Variants in HS3ST3B1 observed in about 807,000 individuals in gnomAD.
HS3ST3B1 encodes heparan sulfate glucosamine 3-O-sulfotransferase 3B1.
HS3ST3B1 carries 13 observed loss-of-function variants against 21.3 expected under a neutral mutation model. The observed-to-expected ratio is 0.61, with a 90% CI of 0.40 to 0.97. HS3ST3B1 has a LOEUF of 0.97. HS3ST3B1 is among the 50% of genes least tolerant of loss of function. The pLI, the probability that HS3ST3B1 is intolerant of heterozygous loss-of-function variation, is 0.00. For missense variants in HS3ST3B1, 459 were observed against 554.8 expected, an observed-to-expected ratio of 0.83 and a Z score of 1.73; for synonymous variants, 234 against 254.8, an observed-to-expected ratio of 0.92 and a Z score of 0.78.
chr17:14,310,107 A>C (rs1312861334), intron 1 of HS3ST3B1, among the ~76,000 whole-genome samples: 1 of 152,252 alleles, frequency 6.6e-6, no homozygotes, highest in Non-Finnish European at 1.5e-5. Flanking sequence ...CATTTCCATA[A>C]TTTGGCCCAT....
In HS3ST3B1 at chr17:14,301,124, T is replaced by TGCTCCTGGGCTCTGGGTCCCGCGCCGCA; in HGVS notation, c.-395_-394insGCTCCTGGGCTCTGGGTCCCGCGCCGCA. On this transcript the variant is annotated 5_prime_UTR_variant, in exon 1 of 2. Transcript: ENST00000360954. The stretch of plus-strand genomic sequence containing the variant: ...CTCTGCGGGGAAGTGCCGGGGCTGC[T>TGCTCCTGGGCTCTGGGTCCCGCGCCGCA]CGAGGCTCAGTTCTTAGGACTGCAA... 4.7e-6 allele frequency: 1 copy of TGCTCCTGGGCTCTGGGTCCCGCGCCGCA among 211,832 alleles called. No homozygotes were observed. The highest frequency in any genetic ancestry group is 9.2e-6 in the Non-Finnish European group (1 of 108,196). The allele number at this position is 211,832 out of a possible 1,614,324, so 13.1% of individuals were successfully genotyped here. A position where few individuals can be genotyped will look rare whatever the true frequency, so the allele number is the denominator to read the frequency against.
intron 1 of HS3ST3B1, among the ~76,000 whole-genome samples, chr17:14,318,681 G>A (rs1567638701): frequency 6.6e-6 from 1 of 152,220 alleles, no homozygotes. Flanking sequence ...CAGCCAGGAG[G>A]CAGCTGGTTA....
intron 1 of HS3ST3B1, among the ~76,000 whole-genome samples, chr17:14,344,013 C>G (rs987120605): frequency 2.6e-5 from 4 of 151,990 alleles, no homozygotes; most frequent in Non-Finnish European, 5.9e-5. Context: ...TCTCCTGCCT[C>G]AGCCTCCCAA....
chr17:14,304,097 C>T (rs887961416), intron 1 of HS3ST3B1: 7 of 152,194 alleles, frequency 4.6e-5, no homozygotes, highest in African/African-American at 1.7e-4. Context: ...CAGCGCAGCC[C>T]GGGAGGTTCG....
In HS3ST3B1 at chr17:14,345,616, G is replaced by A; in HGVS notation, c.1143G>A (p.Gln381=). 6.2e-7 allele frequency: 1 copy of A among 1,613,166 alleles called. No individual in the cohort carries two copies. Among genetic ancestry groups the A allele is most frequent in the Non-Finnish European group, 8.5e-7 (1 of 1,179,500 alleles). The change falls in exon 2 of 2, where the codon CAG becomes CAA. Residue 381 remains glutamine, a synonymous_variant. Coordinates refer to ENST00000360954, the MANE Select transcript of HS3ST3B1 (RefSeq NM_006041.3). ...FYRPFNLKFY[Q]MTGHDFGWD The stretch of plus-strand genomic sequence containing the variant: ...GGCCTTTCAACCTCAAGTTCTACCA[G>A]ATGACCGGGCACGACTTTGGCTGGG...
intron 1 of HS3ST3B1, among the ~76,000 whole-genome samples, chr17:14,337,482 C>A (rs1449450806): frequency 6.7e-6 from 1 of 149,996 alleles, no homozygotes; most frequent in South Asian, 2.1e-4. Context: ...AGCCCGCCAT[C>A]ATGCCTGGCT....
intron 1 of HS3ST3B1, among the ~76,000 whole-genome samples, chr17:14,325,766 G>A (rs1372721817): frequency 6.6e-6 from 1 of 152,186 alleles, no homozygotes; most frequent in East Asian, 1.9e-4. Context: ...AAGATACGCT[G>A]CTGGTAAGTG....
At chr17:14,330,840 T>C (rs1403847708) in intron 1 of HS3ST3B1, among the ~76,000 whole-genome samples, 2 of 152,056 alleles carry the variant, frequency 1.3e-5, no homozygotes, top group African/African-American at 2.4e-5. Flanking sequence ...GTAACCCACA[T>C]AGGGCTGGAG....
rs1909881859 is a variant in HS3ST3B1 at position 14,328,360 on chromosome 17, T to A, written c.555-16668T>A. On this transcript the variant is annotated intron_variant, in intron 1 of 1. Transcript: ENST00000360954. ...ATGGTTGACCATGACAATGAAAAGA[T>A]GAGAATGTAGGGAGGTTGGGCTTAC... 3 of 152,150 alleles carry A rather than the reference T, an allele frequency of 2.0e-5. No homozygotes were observed. The South Asian group carries it at 6.2e-4, about 31-fold the overall frequency. The allele number at this position is 152,150 out of a possible 1,614,324, so 9.4% of individuals were successfully genotyped here.
chr17:14,318,669 C>T (rs1909570706), intron 1 of HS3ST3B1, among the ~76,000 whole-genome samples: 1 of 152,166 alleles, frequency 6.6e-6, no homozygotes, highest in Admixed American at 6.5e-5. Flanking sequence ...CTCAAGAGGG[C>T]ACAGCCAGGA....
Position 14,326,306 on chromosome 17 carries a change from A to G in HS3ST3B1, c.555-18722A>G, listed in dbSNP as rs143827456. ...CTTAGAATTCCCTTGGAGTGAATTCATATATGCCCTGCCAGGGAGTTTGCA... is the reference window on the plus strand; with the variant it reads ...CTTAGAATTCCCTTGGAGTGAATTCGTATATGCCCTGCCAGGGAGTTTGCA... On this transcript the variant is annotated intron_variant, in intron 1 of 1. Transcript: ENST00000360954. 2.7e-3 allele frequency among the ~76,000 whole-genome samples: 407 copies of G among 152,284 alleles called. 6 individuals are homozygous for G. Among genetic ancestry groups the G allele is most frequent in the African/African-American group, 9.5e-3 (394 of 41,564 alleles).
At position 14,345,362 on chromosome 17, in the gene HS3ST3B1, G is replaced by T; in HGVS notation, c.889G>T (p.Gly297Cys). The T allele has an allele frequency of 1.8e-6, 2 of 1,101,342 alleles. No homozygotes were observed. The highest frequency in any genetic ancestry group is 2.6e-6 in the Non-Finnish European group (2 of 764,422). 68.2% of individuals were successfully genotyped at this position (1,101,342 alleles called of 1,614,324 possible). A position where few individuals can be genotyped will look rare whatever the true frequency, so the allele number is the denominator to read the frequency against. Residue 297 changes from glycine (G) to cysteine (C), a missense_variant, in exon 2 of 2, where the codon GGC (glycine) becomes TGC (cysteine). Coordinates refer to ENST00000360954, the MANE Select transcript of HS3ST3B1 (RefSeq NM_006041.3). ...CATCCGCCAGATGCTCTTCGTGAGC[G>T]GCGAGCGGCTCATCAGCGACCCGGC... Reference protein sequence around the residue: ...FPIRQMLFVSGERLISDPAGE... With the variant: ...FPIRQMLFVSCERLISDPAGE...
At chr17:14,340,863 G>A (rs777436876) in intron 1 of HS3ST3B1, among the ~76,000 whole-genome samples, 25 of 152,180 alleles carry the variant, frequency 1.6e-4, no homozygotes, top group Non-Finnish European at 3.1e-4. Flanking sequence ...GATTCCAGGC[G>A]TGAGCCACCA....
intron 1 of HS3ST3B1, among the ~76,000 whole-genome samples, chr17:14,312,274 G>A (rs1365346450): frequency 1.3e-5 from 2 of 152,062 alleles, no homozygotes; most frequent in African/African-American, 4.8e-5. Context: ...GTATCTGTAG[G>A]TGGCTCTACC....
chr17:14,323,398 T>A (rs1447031750), intron 1 of HS3ST3B1, among the ~76,000 whole-genome samples: 2 of 152,130 alleles, frequency 1.3e-5, no homozygotes, highest in African/African-American at 4.8e-5. Flanking sequence ...TCTGAACAAG[T>A]GAAGAATCAT....
rs1195022166 is a variant in HS3ST3B1 at position 14,345,623 on chromosome 17, G to A, written c.1150G>A (p.Gly384Arg). 2.5e-6 allele frequency: 4 copies of A among 1,613,430 alleles called. No individual in the cohort carries two copies. The highest frequency in any genetic ancestry group is 2.2e-5 in the East Asian group (1 of 44,876). Reference sequence around the variant, plus strand: ...CAACCTCAAGTTCTACCAGATGACCGGGCACGACTTTGGCTGGGATTGAGC... The same window carrying A: ...CAACCTCAAGTTCTACCAGATGACCAGGCACGACTTTGGCTGGGATTGAGC... ...PFNLKFYQMT[G>R]HDFGWD Residue 384 changes from glycine to arginine, a missense_variant, in exon 2 of 2, where the codon GGG (glycine) becomes AGG (arginine). By Grantham distance (125) the Gly-to-Arg change is moderately radical (BLOSUM62 -2). This residue lies in a region of HS3ST3B1 where 127 missense variants were observed against 209.9 expected (regional missense o/e 0.60). Transcript: ENST00000360954.
chr17:14,317,608 G>T (rs900066956), intron 1 of HS3ST3B1, among the ~76,000 whole-genome samples: 3 of 152,146 alleles, frequency 2.0e-5, no homozygotes, highest in Admixed American at 6.5e-5. Context: ...AATATTCAGG[G>T]CTGGGAAGCT....
intron 1 of HS3ST3B1, among the ~76,000 whole-genome samples, chr17:14,325,385 A>G (rs942581395): frequency 2.1e-4 from 32 of 152,362 alleles, no homozygotes; most frequent in African/African-American, 7.2e-4. Context: ...AAGTCAAAAG[A>G]ATACAAATTT....
In HS3ST3B1 at chr17:14,301,697, G is replaced by A. The variant is rs1022207042; in HGVS notation, c.179G>A (p.Gly60Glu). Residue 60 changes from glycine to glutamate, a missense_variant, in exon 1 of 2, where the codon GGG (glycine) becomes GAG (glutamate). Gly to Glu is a moderately conservative substitution (Grantham distance 98). Coordinates refer to ENST00000360954, the MANE Select transcript of HS3ST3B1 (RefSeq NM_006041.3). ...SCAGSCAAAP[G>E]LLLLGSGSRA... ...GCCGGCTCCTGCGCCGCCGCGCCGG[G>A]GCTGCTGCTCCTGGGCTCTGGGTCC... is the stretch of plus-strand genomic sequence containing the variant. 1 of 1,601,502 alleles carries A rather than the reference G, an allele frequency of 6.2e-7. No homozygotes were observed. Among genetic ancestry groups the A allele is most frequent in the East Asian group, 2.3e-5 (1 of 43,786 alleles).
Sources: gnomAD v4.1 joint callset for allele counts (sites outside exome capture counted in the v4.1 genomes callset) on GRCh38, gnomAD v4.1.1 for gene constraint, gnomAD v4.1.1 regional missense constraint, MANE v1.5 for transcripts, NCBI Gene and HGNC (gene_info 2026-07-23, HGNC 2026-07-21) for gene names.